CPQ: variants seen among roughly 807,000 people sequenced by gnomAD.
CPQ encodes the protein carboxypeptidase Q, also known as Ser-Met dipeptidase.
Under a neutral mutation model 45.7 loss-of-function variants are expected in CPQ, and 37 were observed. The observed-to-expected ratio is 0.81, with a 90% CI of 0.62 to 1.07. The LOEUF is 1.07. Among genes scored for constraint, CPQ ranks in the 50% least tolerant of loss-of-function variants. The pLI is 0.00. For missense variants in CPQ, 537 were observed against 572.9 expected, an observed-to-expected ratio of 0.94 and a Z score of 0.64; for synonymous variants, 186 against 205.8, an observed-to-expected ratio of 0.90 and a Z score of 0.82.
chr8:96,712,851 G>T (rs1809630406), intron 1 of CPQ, among the ~76,000 whole-genome samples: 2 of 151,900 alleles, frequency 1.3e-5, no homozygotes, highest in Admixed American at 1.3e-4. Flanking sequence ...GCAAGTTTCT[G>T]CAGCTGGCTT....
intron 4 of CPQ, among the ~76,000 whole-genome samples, chr8:96,941,819 A>G (rs1287702729): frequency 2.6e-5 from 4 of 152,216 alleles, no homozygotes; most frequent in Admixed American, 1.3e-4. Context: ...CACTGTTTTC[A>G]TATCTTTACA....
intron 5 of CPQ, among the ~76,000 whole-genome samples, chr8:97,003,352 C>CTTGTTTATG (rs1809318826): frequency 6.6e-6 from 1 of 152,122 alleles, no homozygotes; most frequent in Non-Finnish European, 1.5e-5. Flanking sequence ...TATAGTGTCA[C>CTTGTTTATG]TGGTCTGTGT....
At chr8:97,026,537 G>A (rs1809801672) in intron 5 of CPQ, among the ~76,000 whole-genome samples, 1 of 152,124 alleles carries the variant, frequency 6.6e-6, no homozygotes, top group Non-Finnish European at 1.5e-5. Flanking sequence ...TTTCTCTTAG[G>A]TTCAGGGACA....
At chr8:96,903,383 G>A (rs1288039600) in intron 4 of CPQ, among the ~76,000 whole-genome samples, 2 of 152,184 alleles carry the variant, frequency 1.3e-5, no homozygotes, top group Non-Finnish European at 2.9e-5. Flanking sequence ...TGTAGAACAA[G>A]TTAGATGTTG....
At position 96,984,188 on chromosome 8, in the gene CPQ, A is replaced by G. The variant is rs181395042; in HGVS notation, c.961+18142A>G. ...TAATATAGTAACCACAGATTGCTTC[A>G]ATATATCCCCTTCCATCATATATAT... On this transcript the variant is annotated intron_variant, in intron 5 of 7. Transcript: ENST00000220763. 4.9e-4 allele frequency among the ~76,000 whole-genome samples: 75 copies of G among 152,172 alleles called. 1 individual carries two copies. The highest frequency in any genetic ancestry group is 1.8e-3 in the African/African-American group (73 of 41,492).
chr8:96,673,550 C>T (rs1809034341), intron 1 of CPQ, among the ~76,000 whole-genome samples: 1 of 152,072 alleles, frequency 6.6e-6, no homozygotes, highest in Admixed American at 6.6e-5. Context: ...GGAGTAGCCT[C>T]TGATACTTTT....
At chr8:97,008,416 C>G (rs1809426245) in intron 5 of CPQ, among the ~76,000 whole-genome samples, 1 of 152,138 alleles carries the variant, frequency 6.6e-6, no homozygotes, top group African/African-American at 2.4e-5. Context: ...CAGGGTGAAC[C>G]CAGTGCCAAA....
chr8:96,869,559 G>A (rs1481473186), intron 3 of CPQ, among the ~76,000 whole-genome samples: 2 of 152,040 alleles, frequency 1.3e-5, no homozygotes, highest in Admixed American at 6.6e-5. Flanking sequence ...AGGTATATTT[G>A]TGATCGAGTC....
intron 7 of CPQ, among the ~76,000 whole-genome samples, chr8:97,106,985 C>A (rs1372070991): frequency 6.6e-6 from 1 of 152,046 alleles, no homozygotes; most frequent in Non-Finnish European, 1.5e-5. Context: ...ATATTGGTGA[C>A]CTTGACAAGA....
At chr8:97,039,411 T>A (rs532236603) in intron 6 of CPQ, among the ~76,000 whole-genome samples, 2 of 152,306 alleles carry the variant, frequency 1.3e-5, no homozygotes, top group South Asian at 2.1e-4. Context: ...ATTTCTTTTT[T>A]ATTTTTTTTA....
chr8:96,742,085 T>A (rs1423372004), intron 1 of CPQ, among the ~76,000 whole-genome samples: 1 of 144,034 alleles, frequency 6.9e-6, no homozygotes, highest in Admixed American at 7.0e-5. Flanking sequence ...TGTTAAAGTC[T>A]CCCATTATTA....
intron 6 of CPQ, among the ~76,000 whole-genome samples, chr8:97,048,741 G>A (rs532763782): frequency 5.3e-5 from 8 of 152,258 alleles, no homozygotes; most frequent in Middle Eastern, 3.4e-3. Context: ...GAGGTGGAAC[G>A]GAAAATGAGA....
chr8:97,123,148 T>TAAAATAAAATA (rs1229891722), intron 7 of CPQ, among the ~76,000 whole-genome samples: 1 of 20,622 alleles, frequency 4.8e-5, no homozygotes, highest in Non-Finnish European at 8.9e-5. Context: ...TAAAATAAAA[T>TAAAATAAAATA]AAATAAAATA....
intron 2 of CPQ, among the ~76,000 whole-genome samples, chr8:96,800,807 T>C (rs1484974959): frequency 1.3e-5 from 2 of 152,102 alleles, no homozygotes; most frequent in East Asian, 3.9e-4. Context: ...TCAAAAAACA[T>C]CTTAGAAGAG....
chr8:96,994,819 G>A (rs186556950), intron 5 of CPQ, among the ~76,000 whole-genome samples: 11 of 151,996 alleles, frequency 7.2e-5, no homozygotes, highest in Admixed American at 3.3e-4. Context: ...TATGGACATC[G>A]ACCTATTAAT....
chr8:96,720,852 G>GGAT (rs1399155951), intron 1 of CPQ, among the ~76,000 whole-genome samples: 1 of 151,978 alleles, frequency 6.6e-6, no homozygotes, highest in Non-Finnish European at 1.5e-5. Context: ...CATCCGTTGG[G>GGAT]GATGATATTC....
intron 4 of CPQ, among the ~76,000 whole-genome samples, chr8:96,884,999 A>C (rs1563520775): frequency 2.0e-5 from 3 of 152,186 alleles, no homozygotes; most frequent in Non-Finnish European, 2.9e-5. Context: ...TGGAGACTTG[A>C]AAGTAGGCAG....
rs1489128916 is a variant in CPQ at position 96,964,179 on chromosome 8, C to T, written c.850-1756C>T. On this transcript the variant is annotated intron_variant, in intron 4 of 7. Coordinates refer to ENST00000220763, the MANE Select transcript of CPQ (RefSeq NM_016134.4). ...ATCTTTTTTGGTTAAAGTATACACA[C>T]ACACACACACACACACACACACACA... Among the ~76,000 whole-genome samples the T allele has an allele frequency of 2.3e-3, 236 of 103,482 alleles. 3 individuals carry two copies. Among genetic ancestry groups the T allele is most frequent in the Admixed American group, 0.016 (182 of 11,138 alleles). The allele number at this position is 103,482 out of a possible 152,430, so 67.9% of individuals were successfully genotyped here. A position where few individuals can be genotyped will look rare whatever the true frequency, so the allele number is the denominator to read the frequency against.
intron 1 of CPQ, among the ~76,000 whole-genome samples, chr8:96,707,716 C>T (rs142710689): frequency 6.6e-6 from 1 of 151,756 alleles, no homozygotes; most frequent in East Asian, 1.9e-4. Context: ...CTTAGGACAA[C>T]ACAGATTTAT....
Sources: allele counts gnomAD v4.1 joint callset (sites outside exome capture counted in the v4.1 genomes callset), GRCh38; gene constraint gnomAD v4.1.1; transcripts MANE v1.5; gene names NCBI Gene and HGNC (gene_info 2026-07-23, HGNC 2026-07-21).